XPO4: variants seen among roughly 807,000 people sequenced by gnomAD.
XPO4 encodes the protein exportin 4.
In XPO4, 39 loss-of-function variants were observed where a neutral mutation model predicts 143.0. The ratio of observed to expected loss-of-function variants is 0.27; its 90% CI spans 0.21 to 0.36. The LOEUF (loss-of-function observed/expected upper bound fraction) is 0.36, where lower values mean the gene tolerates loss of function less well. Among genes scored for constraint, XPO4 ranks in the 10% least tolerant of loss-of-function variants. The probability of loss-of-function intolerance (pLI) is 1.00; values close to 1 mark genes in which losing one functional copy is unlikely to be tolerated. For missense variants in XPO4, 907 were observed against 1,348.0 expected, an observed-to-expected ratio of 0.67 and a Z score of 5.12; for synonymous variants, 439 against 474.0, an observed-to-expected ratio of 0.93 and a Z score of 0.96.
intron 1 of XPO4, among the ~76,000 whole-genome samples, chr13:20,890,649 T>C (rs1318949624): frequency 2.0e-5 from 3 of 150,722 alleles, no homozygotes; most frequent in Non-Finnish European, 4.4e-5. Context: ...AATACAAAAA[T>C]TAGCTGGGTA....
intron 6 of XPO4, among the ~76,000 whole-genome samples, chr13:20,839,891 G>A (rs532897497): frequency 4.6e-5 from 7 of 152,296 alleles, no homozygotes; most frequent in African/African-American, 1.7e-4. Flanking sequence ...GCTGAGGCAT[G>A]AGAATCGCTT....
intron 22 of XPO4, among the ~76,000 whole-genome samples, chr13:20,784,294 T>C (rs756978179): frequency 9.2e-5 from 14 of 152,210 alleles, no homozygotes; most frequent in Non-Finnish European, 2.1e-4. Flanking sequence ...TATGTTGCGT[T>C]TGACACATAA....
chr13:20,855,728 C>T lies in XPO4; in HGVS notation c.355G>A (p.Val119Ile). ...KYVREQILLA[V>I]AVIVKRGSLD... The stretch of plus-strand genomic sequence containing the variant: ...GATCCTCTTTTTACAATTACTGCTA[C>T]TGCTAGTAGAATCTGTTCCCGAACA... Residue 119 changes from valine to isoleucine, a missense_variant, in exon 4 of 23, where the codon GTA becomes ATA. Physicochemically the swap from Val to Ile is conservative, Grantham distance 29 (BLOSUM62 3). Coordinates refer to ENST00000255305, the MANE Select transcript of XPO4 (RefSeq NM_022459.5). The T allele has an allele frequency of 6.2e-7, 1 of 1,606,470 alleles. No individual in the cohort carries two copies. Among genetic ancestry groups the T allele is most frequent in the South Asian group, 1.1e-5 (1 of 88,806 alleles).
intron 12 of XPO4, 139 bp from the exon 13 acceptor site, chr13:20,807,773 T>G (rs2059526138): frequency 1.4e-6 from 1 of 721,340 alleles, no homozygotes; most frequent in African/African-American, 1.9e-5. Context: ...AATTTCAAGT[T>G]TATGCAAAAA....
chr13:20,868,427 C>T (rs2060263650), intron 2 of XPO4, 169 bp downstream of exon 2: 4 of 1,092,730 alleles, frequency 3.7e-6, no homozygotes, highest in Non-Finnish European at 2.4e-6. Context: ...TCCCGTCTGG[C>T]TTTACAGAAT....
At chr13:20,902,156 T>A (rs2060626953) in intron 1 of XPO4, 2 of 985,256 alleles carry the variant, frequency 2.0e-6, no homozygotes, top group Non-Finnish European at 2.4e-6. Context: ...TTCCACGTGC[T>A]GCCGGCTGCA....
At chr13:20,878,604 T>A (rs960175546) in intron 1 of XPO4, among the ~76,000 whole-genome samples, 1 of 152,130 alleles carries the variant, frequency 6.6e-6, no homozygotes, top group Admixed American at 6.5e-5. Flanking sequence ...TTATATAAAA[T>A]TTTTAAAACT....
chr13:20,868,386 G>C (rs1385085890), intron 2 of XPO4: 1 of 692,084 alleles, frequency 1.4e-6, no homozygotes, highest in Non-Finnish European at 2.1e-6. Context: ...ACTATATCTA[G>C]GGGGGAAAAA....
chr13:20,785,924 A>T (rs2059197873), intron 22 of XPO4, among the ~76,000 whole-genome samples: 1 of 150,880 alleles, frequency 6.6e-6, no homozygotes, highest in African/African-American at 2.4e-5. Context: ...GAAGGAAGAA[A>T]GGAAAGAAAA....
chr13:20,860,862 C>T (rs1055084901), intron 3 of XPO4, among the ~76,000 whole-genome samples: 1 of 151,948 alleles, frequency 6.6e-6, no homozygotes, highest in African/African-American at 2.4e-5. Flanking sequence ...CTACAGGACA[C>T]ATTATCCACT....
intron 9 of XPO4, among the ~76,000 whole-genome samples, chr13:20,818,970 G>A (rs148196836): frequency 0.01 from 1,568 of 152,124 alleles, 14 homozygotes; most frequent in Non-Finnish European, 0.018. Context: ...ACAGGCGCCC[G>A]CCACCATGCC....
chr13:20,841,960 G>A (rs576183937), intron 6 of XPO4, among the ~76,000 whole-genome samples: 3 of 152,096 alleles, frequency 2.0e-5, no homozygotes, highest in South Asian at 2.1e-4. Flanking sequence ...ACACAGAGGC[G>A]TATTAGTTCA....
chr13:20,807,021 G>A (rs1224211696), intron 13 of XPO4, among the ~76,000 whole-genome samples: 2 of 151,860 alleles, frequency 1.3e-5, no homozygotes, highest in Non-Finnish European at 2.9e-5. Flanking sequence ...TCCATTTTAC[G>A]AGATACAAAT....
At position 20,848,859 on chromosome 13, in the gene XPO4, G is replaced by A. The variant is rs530957511; in HGVS notation, c.457-4973C>T. ...AACAAGTAGAAGACAATGCAATGAG[G>A]TGTCAAAGTTATAAAAAAAAGTCTA... On this transcript the variant is annotated intron_variant, in intron 4 of 22. Coordinates refer to ENST00000255305, the MANE Select transcript of XPO4 (RefSeq NM_022459.5). 5.1e-6 allele frequency: 5 copies of A among 985,160 alleles called. No homozygotes were observed. In the South Asian group the frequency reaches 1.9e-4, roughly 37 times the overall value. 61.0% of individuals were successfully genotyped at this position (985,160 alleles called of 1,614,324 possible). A position where few individuals can be genotyped will look rare whatever the true frequency, so the allele number is the denominator to read the frequency against.
At chr13:20,838,468 G>A (rs533546246) in intron 6 of XPO4, among the ~76,000 whole-genome samples, 1 of 152,036 alleles carries the variant, frequency 6.6e-6, no homozygotes, top group Admixed American at 6.5e-5. Flanking sequence ...AAATTAGCCA[G>A]GCGTGGTGGC....
chr13:20,822,153 C>T lies in XPO4; in HGVS notation c.977G>A (p.Gly326Glu), dbSNP rs2059728467. 1 of 1,612,686 alleles carries T rather than the reference C, an allele frequency of 6.2e-7. No individual in the cohort carries two copies. The highest frequency in any genetic ancestry group is 8.5e-7 in the Non-Finnish European group (1 of 1,179,322). The change falls in exon 8 of 23, where the codon GGA becomes GAA. Residue 326 changes from glycine to glutamate, a missense_variant. By Grantham distance (98) the Gly-to-Glu change is moderately conservative (BLOSUM62 -2). Transcript: ENST00000255305. ...QVDYLAHFIEGLLNTINGIEI... is the reference protein window; with the variant it reads ...QVDYLAHFIEELLNTINGIEI... ...CTACCCATTGATAGTATTCAGTAATCCCTCAATGAAGTGTGCTAGATAATC... is the reference window on the plus strand; with the variant it reads ...CTACCCATTGATAGTATTCAGTAATTCCTCAATGAAGTGTGCTAGATAATC...
chr13:20,897,676 T>C (rs928689426), intron 1 of XPO4, among the ~76,000 whole-genome samples: 1 of 152,228 alleles, frequency 6.6e-6, no homozygotes, highest in Non-Finnish European at 1.5e-5. Context: ...AGAAATTGGA[T>C]TCCAGATCCA....
chr13:20,837,062 T>G (rs1351416788), intron 6 of XPO4, among the ~76,000 whole-genome samples: 2 of 152,220 alleles, frequency 1.3e-5, no homozygotes, highest in Non-Finnish European at 2.9e-5. Flanking sequence ...TATTTATCCA[T>G]TCATCAGCTG....
chr13:20,897,629 A>G (rs186787283), intron 1 of XPO4, among the ~76,000 whole-genome samples: 7 of 152,348 alleles, frequency 4.6e-5, no homozygotes, highest in African/African-American at 1.7e-4. Flanking sequence ...CTGTGTTTCT[A>G]TATACTGAAG....
Sources: allele counts gnomAD v4.1 joint callset (sites outside exome capture counted in the v4.1 genomes callset), GRCh38; gene constraint gnomAD v4.1.1; transcripts MANE v1.5; gene names NCBI Gene and HGNC (gene_info 2026-07-23, HGNC 2026-07-21).